The following JHY variants were observed in gnomAD, a reference collection of about 807,000 sequenced individuals.
JHY encodes the protein junctional cadherin complex regulator.
A neutral mutation model predicts 78.0 loss-of-function variants in JHY; 69 were observed. The ratio of observed to expected loss-of-function variants is 0.88; its 90% CI spans 0.73 to 1.08. The LOEUF (loss-of-function observed/expected upper bound fraction) is 1.08. Among genes scored for constraint, JHY ranks in the 50% least tolerant of loss-of-function variants. The pLI is 0.00. For synonymous variants in JHY, 368 were observed against 342.6 expected, an observed-to-expected ratio of 1.07 and a Z score of -0.82; for missense variants, 944 against 927.8, an observed-to-expected ratio of 1.02 and a Z score of -0.23.
chr11:122,961,608 G>A lies in JHY; in HGVS notation c.*2163G>A. ...GATCTCAGGTGATCCGCCCACCTTG[G>A]CCTTCCAAAGTGCTGGGATTACAGG... is the stretch of plus-strand genomic sequence containing the variant. On this transcript the variant is annotated 3_prime_UTR_variant, in exon 9 of 9. Coordinates refer to ENST00000227349, the MANE Select transcript of JHY (RefSeq NM_024806.4). 6.6e-6 allele frequency among the ~76,000 whole-genome samples: 1 copy of A among 152,142 alleles called. No individual in the cohort carries two copies. The highest frequency in any genetic ancestry group is 1.9e-4 in the East Asian group (1 of 5,200).
chr11:122,959,581 G>T lies in JHY; in HGVS notation c.*136G>T. The T allele has an allele frequency of 1.2e-6, 1 of 852,088 alleles. No homozygotes were observed. The highest frequency in any genetic ancestry group is 1.8e-6 in the Non-Finnish European group (1 of 566,264). 52.8% of individuals were successfully genotyped at this position (852,088 alleles called of 1,614,324 possible). A position where few individuals can be genotyped will look rare whatever the true frequency, so the allele number is the denominator to read the frequency against. ...CTGCCGTCCATGTTTGCTTTCTGCA[G>T]GATTTAAAATATGAGGCCCAATTGG... On this transcript the variant is annotated 3_prime_UTR_variant, in exon 9 of 9. Transcript: ENST00000227349.
intron 3 of JHY, among the ~76,000 whole-genome samples, chr11:122,914,324 C>T (rs1174378018): frequency 6.6e-6 from 1 of 152,042 alleles, no homozygotes; most frequent in East Asian, 1.9e-4. Context: ...TAAGATTAAG[C>T]TTTACCTTTA....
chr11:122,958,598 A>T, intron 8 of JHY: 1 of 366,886 alleles, frequency 2.7e-6, no homozygotes, highest in Non-Finnish European at 3.8e-6. Flanking sequence ...TTTGTATTTC[A>T]GCTATCAACA....
chr11:122,922,873 T>G (rs1483423957), intron 3 of JHY, among the ~76,000 whole-genome samples: 4 of 137,730 alleles, frequency 2.9e-5, no homozygotes, highest in African/African-American at 1.1e-4. Context: ...ACAGGACAGA[T>G]CCCAAAACCC....
Position 122,903,933 on chromosome 11 carries a change from C to A in JHY, c.353C>A (p.Pro118Gln). The change falls in exon 3 of 9, where the codon CCA becomes CAA. Residue 118 changes from proline (P) to glutamine (Q), a missense_variant. Physicochemically the swap from Pro to Gln is moderately conservative, Grantham distance 76. Transcript: ENST00000227349. ...WDQGANNRQQPIEDKYSDLRY... is the reference protein window; with the variant it reads ...WDQGANNRQQQIEDKYSDLRY... ...TCTTCTGCTTTGGGCAGGCAACAAC[C>A]AATAGAAGACAAATATTCAGACCTC... The A allele has an allele frequency of 6.3e-7, 1 of 1,581,468 alleles. No homozygotes were observed.
intron 4 of JHY, among the ~76,000 whole-genome samples, chr11:122,931,937 G>A (rs1403226413): frequency 6.6e-6 from 1 of 152,096 alleles, no homozygotes; most frequent in Admixed American, 6.5e-5. Context: ...TTAGGCATCA[G>A]GATTCCCCCA....
At chr11:122,934,247 C>T (rs138165391) in intron 4 of JHY, among the ~76,000 whole-genome samples, 173 bp from the exon 5 acceptor site, 106 of 151,952 alleles carry the variant, frequency 7.0e-4, no homozygotes, top group Middle Eastern at 3.4e-3. Context: ...ACCTGGGAGG[C>T]GGAGCTTGCA....
At chr11:122,916,599 A>G (rs1361856434) in intron 3 of JHY, among the ~76,000 whole-genome samples, 1 of 152,088 alleles carries the variant, frequency 6.6e-6, no homozygotes, top group African/African-American at 2.4e-5. Flanking sequence ...CATAATTTCT[A>G]GGTGTGTTTT....
intron 3 of JHY, among the ~76,000 whole-genome samples, chr11:122,914,610 A>C (rs1591379513): frequency 6.6e-6 from 1 of 151,728 alleles, no homozygotes; most frequent in East Asian, 1.9e-4. Flanking sequence ...ACGCCCGGCT[A>C]ATTTTTCTAT....
At chr11:122,886,275 T>C (rs116861525) in intron 2 of JHY, 82 bp downstream of exon 2, 1 of 1,362,954 alleles carries the variant, frequency 7.3e-7, no homozygotes, top group Non-Finnish European at 1.0e-6. Context: ...CAAATTAGAG[T>C]AAGGGCAAGC....
chr11:122,886,232 A>C, intron 2 of JHY, 39 bp downstream of exon 2: 1 of 1,530,174 alleles, frequency 6.5e-7, no homozygotes, highest in East Asian at 2.3e-5. Context: ...ATGGGCTCTA[A>C]AATGTATCAT....
intron 2 of JHY, among the ~76,000 whole-genome samples, chr11:122,899,046 C>T (rs1591371522): frequency 1.3e-5 from 2 of 152,184 alleles, no homozygotes; most frequent in East Asian, 3.9e-4. Context: ...TTTCCCTGAC[C>T]TCCCAAGATA....
At chr11:122,944,744 CT>C (rs1354782350) in intron 5 of JHY, among the ~76,000 whole-genome samples, 1 of 152,118 alleles carries the variant, frequency 6.6e-6, no homozygotes, top group Admixed American at 6.6e-5. Context: ...TACATGAAAA[CT>C]TCTTTATTTT....
At chr11:122,951,087 G>T (rs190869985) in intron 6 of JHY, among the ~76,000 whole-genome samples, 12 of 152,282 alleles carry the variant, frequency 7.9e-5, no homozygotes, top group Admixed American at 7.2e-4. Flanking sequence ...TCATTATCCA[G>T]GTCATGGCCA....
chr11:122,916,182 C>T (rs1424964214), intron 3 of JHY, among the ~76,000 whole-genome samples: 1 of 151,896 alleles, frequency 6.6e-6, no homozygotes, highest in Non-Finnish European at 1.5e-5. Flanking sequence ...TAGCAGAGAG[C>T]ATTTGAGATG....
In JHY at chr11:122,904,297, C is replaced by T. The variant is rs753280125; in HGVS notation, c.717C>T (p.Phe239=). ...VKSSSSHNEV[F]LPGSRGPRRR... is the part of the protein sequence containing the mutation. ...GCTCAAGTTCACATAACGAGGTTTT[C>T]CTGCCGGGATCACGTGGCCCTCGGC... The change falls in exon 3 of 9, where the codon TTC becomes TTT. Residue 239 remains phenylalanine (F), a synonymous_variant. Coordinates refer to ENST00000227349, the MANE Select transcript of JHY (RefSeq NM_024806.4). 1.2e-6 allele frequency: 2 copies of T among 1,614,140 alleles called. No individual in the cohort carries two copies. Among genetic ancestry groups the T allele is most frequent in the South Asian group, 2.2e-5 (2 of 91,082 alleles).
intron 3 of JHY, among the ~76,000 whole-genome samples, chr11:122,923,331 C>T (rs943689180): frequency 8.5e-5 from 13 of 152,262 alleles, no homozygotes; most frequent in Admixed American, 5.9e-4. Context: ...CTCCTCAACC[C>T]GTAGAAGATC....
rs1171082960 is a variant in JHY, at chr11:122,909,425, C to T, written c.864+4981C>T. 3.3e-5 allele frequency among the ~76,000 whole-genome samples: 5 copies of T among 152,148 alleles called. No homozygotes were observed. The South Asian group carries it at 1.0e-3, about 32-fold the overall frequency. On this transcript the variant is annotated intron_variant, in intron 3 of 8. Coordinates refer to ENST00000227349, the MANE Select transcript of JHY (RefSeq NM_024806.4). ...GGTGACGCTCTGCAAATTACTAAACCTCTCTGTGCCTCAGTCTCCTCATCT... is the reference window on the plus strand; with the variant it reads ...GGTGACGCTCTGCAAATTACTAAACTTCTCTGTGCCTCAGTCTCCTCATCT...
chr11:122,916,041 G>A (rs1339088336), intron 3 of JHY, among the ~76,000 whole-genome samples: 3 of 152,052 alleles, frequency 2.0e-5, no homozygotes, highest in Admixed American at 6.5e-5. Context: ...GGTCTCGGGG[G>A]TAGGGAAGAT....
Sources: gnomAD v4.1 joint callset for allele counts (sites outside exome capture counted in the v4.1 genomes callset) on GRCh38, gnomAD v4.1.1 for gene constraint, MANE v1.5 for transcripts, NCBI Gene and HGNC (gene_info 2026-07-23, HGNC 2026-07-21) for gene names.